SBF2: variants seen among roughly 807,000 people sequenced by gnomAD.
The protein encoded by SBF2 is SET binding factor 2.
A neutral mutation model predicts 225.2 loss-of-function variants in SBF2; 112 were observed. The ratio of observed to expected loss-of-function variants is 0.50; its 90% CI spans 0.43 to 0.58. The LOEUF is 0.58. Ranked by LOEUF, SBF2 falls within the 20% of genes least tolerant of loss-of-function variation. The probability of loss-of-function intolerance (pLI) is 0.00; values close to 1 mark genes in which losing one functional copy is unlikely to be tolerated. For missense variants in SBF2, 1,996 were observed against 2,206.2 expected (o/e 0.90, Z 1.91); for synonymous variants, 763 against 773.3 (o/e 0.99, Z 0.22).
intron 28 of SBF2, among the ~76,000 whole-genome samples, chr11:9,823,723 A>G (rs1169413618): frequency 6.6e-6 from 1 of 152,204 alleles, no homozygotes; most frequent in Non-Finnish European, 1.5e-5. Flanking sequence ...TGAGACCCTT[A>G]ACTTGCTTGC....
chr11:9,878,469 A>G (rs1423416586), intron 17 of SBF2, among the ~76,000 whole-genome samples: 1 of 152,188 alleles, frequency 6.6e-6, no homozygotes, highest in Non-Finnish European at 1.5e-5. Flanking sequence ...GTCCTTGCCC[A>G]TGCCAATGGC....
chr11:9,992,712 A>T (rs978557992), intron 11 of SBF2, among the ~76,000 whole-genome samples, 169 bp from the exon 12 acceptor site: 1 of 152,224 alleles, frequency 6.6e-6, no homozygotes, highest in African/African-American at 2.4e-5. Context: ...AATACTACAT[A>T]TATTGAAAAG....
At chr11:10,073,785 T>C (rs1013450645) in intron 2 of SBF2, among the ~76,000 whole-genome samples, 1 of 152,102 alleles carries the variant, frequency 6.6e-6, no homozygotes, top group Non-Finnish European at 1.5e-5. Flanking sequence ...AGACCTTGTT[T>C]GGATGTGAAT....
chr11:10,073,624 T>C (rs1262917811), intron 2 of SBF2, among the ~76,000 whole-genome samples: 3 of 151,784 alleles, frequency 2.0e-5, no homozygotes, highest in Non-Finnish European at 4.4e-5. Flanking sequence ...GGCTGAGGCA[T>C]GAGAATTGCC....
At chr11:9,860,742 A>G (rs554295417) in intron 17 of SBF2, among the ~76,000 whole-genome samples, 8 of 152,234 alleles carry the variant, frequency 5.3e-5, no homozygotes, top group African/African-American at 2.4e-5. Flanking sequence ...GCAGCATAAC[A>G]TAATCAATGG....
intron 12 of SBF2, among the ~76,000 whole-genome samples, chr11:9,990,889 G>A (rs1217297762): frequency 6.6e-6 from 1 of 152,176 alleles, no homozygotes; most frequent in Admixed American, 6.6e-5. Context: ...GAACAGAGGA[G>A]GGCACTCCAA....
intron 2 of SBF2, among the ~76,000 whole-genome samples, chr11:10,104,175 G>T (rs562343719): frequency 6.6e-6 from 1 of 151,892 alleles, no homozygotes; most frequent in Non-Finnish European, 1.5e-5. Flanking sequence ...ACTTCATCCT[G>T]TTGTGGTCAG....
chr11:9,984,337 C>G (rs1447523977), intron 13 of SBF2, among the ~76,000 whole-genome samples: 1 of 152,030 alleles, frequency 6.6e-6, no homozygotes, highest in Non-Finnish European at 1.5e-5. Context: ...AAACTCAGAG[C>G]TGGAAGACAA....
rs567494345 is a variant in SBF2 at position 9,898,734 on chromosome 11, G to A, written c.1861-2723C>T. On this transcript the variant is annotated intron_variant, in intron 16 of 39. Transcript: ENST00000256190. Reference sequence around the variant, plus strand: ...GTCATTCTCATATGGCTCACATTCTGTGACCCAGTTAAAAATAAAAAAGTA... The same window carrying A: ...GTCATTCTCATATGGCTCACATTCTATGACCCAGTTAAAAATAAAAAAGTA... Among the ~76,000 whole-genome samples, 4 of 152,266 alleles carry A rather than the reference G, an allele frequency of 2.6e-5. No individual in the cohort carries two copies. The South Asian group carries it at 8.3e-4, about 32-fold the overall frequency.
At chr11:10,142,178 G>C (rs1050138047) in intron 2 of SBF2, among the ~76,000 whole-genome samples, 1 of 152,024 alleles carries the variant, frequency 6.6e-6, no homozygotes, top group African/African-American at 2.4e-5. Context: ...GTATAGATAC[G>C]GATAACCAGT....
rs181168608 is a variant in SBF2 at position 10,045,353 on chromosome 11, G to A, written c.142-2372C>T. On this transcript the variant is annotated intron_variant, in intron 2 of 39. Coordinates refer to ENST00000256190, the MANE Select transcript of SBF2 (RefSeq NM_030962.4). ...CAGGTAATTCATGTATTTTAGTAGC[G>A]ATGGGGTTTTGCAATGTTGGCCAGG... is the stretch of plus-strand genomic sequence containing the variant. 2.0e-3 allele frequency among the ~76,000 whole-genome samples: 303 copies of A among 152,104 alleles called. 1 individual carries two copies. Among genetic ancestry groups the A allele is most frequent in the Non-Finnish European group, 2.0e-3 (133 of 67,968 alleles).
intron 16 of SBF2, among the ~76,000 whole-genome samples, chr11:9,947,069 T>C (rs2134313620): frequency 6.6e-6 from 1 of 152,318 alleles, no homozygotes; most frequent in South Asian, 2.1e-4. Context: ...ATAAGTTTTT[T>C]GCCAGCGGTT....
chr11:10,084,516 G>C lies in SBF2; in HGVS notation c.142-41535C>G, dbSNP rs185619454. Among the ~76,000 whole-genome samples, 577 of 152,302 alleles carry C rather than the reference G, an allele frequency of 3.8e-3. 4 individuals are homozygous for C. Among genetic ancestry groups the C allele is most frequent in the South Asian group, 5.2e-3 (25 of 4,828 alleles). On this transcript the variant is annotated intron_variant, in intron 2 of 39. Coordinates refer to ENST00000256190, the MANE Select transcript of SBF2 (RefSeq NM_030962.4). ...ATTAGCACAACCTCTGTAGAAAACA[G>C]TATGAAGATATCTCAAAGAACTAAA...
intron 2 of SBF2, among the ~76,000 whole-genome samples, chr11:10,079,499 T>C (rs1266507991): frequency 6.6e-6 from 1 of 152,136 alleles, no homozygotes; most frequent in Non-Finnish European, 1.5e-5. Context: ...AGAAAGAATC[T>C]CAGAAACTGA....
chr11:9,889,986 C>T (rs1860662731), intron 17 of SBF2, among the ~76,000 whole-genome samples: 1 of 152,144 alleles, frequency 6.6e-6, no homozygotes, highest in Non-Finnish European at 1.5e-5. Flanking sequence ...TAACTGCAAC[C>T]TCCACCTCCC....
chr11:10,258,311 T>C (rs1450056408), intron 1 of SBF2, among the ~76,000 whole-genome samples: 3 of 152,186 alleles, frequency 2.0e-5, no homozygotes, highest in Non-Finnish European at 4.4e-5. Flanking sequence ...TCTCTCTATG[T>C]TGCCCAGACA....
rs570244806 is a variant in SBF2 at position 10,172,599 on chromosome 11, G to A, written c.141+21303C>T. Among the ~76,000 whole-genome samples, 10 of 152,134 alleles carry A rather than the reference G, an allele frequency of 6.6e-5. No individual in the cohort carries two copies. The South Asian group carries it at 1.0e-3, about 16-fold the overall frequency. ...AACTCCTGACCTCAGGTGATCCACCGGCCTCGGCCTCCCGAAGTGCTGGGA... is the reference window on the plus strand; with the variant it reads ...AACTCCTGACCTCAGGTGATCCACCAGCCTCGGCCTCCCGAAGTGCTGGGA... On this transcript the variant is annotated intron_variant, in intron 2 of 39. Coordinates refer to ENST00000256190, the MANE Select transcript of SBF2 (RefSeq NM_030962.4).
intron 2 of SBF2, among the ~76,000 whole-genome samples, chr11:10,179,505 G>A (rs937637970): frequency 2.0e-5 from 3 of 152,066 alleles, no homozygotes. Context: ...GTAGCTGCTG[G>A]ATGAAATGTT....
At chr11:10,062,035 T>A (rs1950464790) in intron 2 of SBF2, among the ~76,000 whole-genome samples, 1 of 152,028 alleles carries the variant, frequency 6.6e-6, no homozygotes, top group South Asian at 2.1e-4. Flanking sequence ...AGCCCAGAAA[T>A]AAGGCCACAC....
Sources: gnomAD v4.1 joint callset for allele counts (sites outside exome capture counted in the v4.1 genomes callset) on GRCh38, gnomAD v4.1.1 for gene constraint, MANE v1.5 for transcripts, NCBI Gene and HGNC (gene_info 2026-07-23, HGNC 2026-07-21) for gene names.